FGGY: variants seen among roughly 807,000 people sequenced by gnomAD.
FGGY encodes the protein FGGY carbohydrate kinase domain containing, also known as FGGY carbohydrate kinase domain-containing protein.
Under a neutral mutation model 71.3 loss-of-function variants are expected in FGGY, and 72 were observed. The observed-to-expected ratio is 1.01, with a 90% CI of 0.84 to 1.23. FGGY has a LOEUF of 1.23. Ranked by LOEUF, FGGY falls within the 50% of genes most tolerant of loss-of-function variation. The probability of loss-of-function intolerance (pLI) is 0.00; values close to 1 mark genes in which losing one functional copy is unlikely to be tolerated. For missense variants in FGGY, 668 were observed against 682.3 expected (o/e 0.98, Z 0.23); for synonymous variants, 251 against 250.3 (o/e 1.00, Z -0.02).
chr1:59,476,465 C>G (rs1187028077), intron 6 of FGGY, among the ~76,000 whole-genome samples: 2 of 152,198 alleles, frequency 1.3e-5, no homozygotes, highest in Non-Finnish European at 2.9e-5. Context: ...GCACATCTGT[C>G]CATGTAGCTG....
chr1:59,673,341 A>G (rs978564020), intron 13 of FGGY, among the ~76,000 whole-genome samples: 1 of 152,134 alleles, frequency 6.6e-6, no homozygotes, highest in African/African-American at 2.4e-5. Context: ...GGCATCTAGG[A>G]GGAAGTGTTC....
chr1:59,724,586 AC>A (rs2097924933), intron 14 of FGGY, among the ~76,000 whole-genome samples: 1 of 151,626 alleles, frequency 6.6e-6, no homozygotes, highest in Non-Finnish European at 1.5e-5. Context: ...CTATAGTTCT[AC>A]CTTTTCTAAA....
chr1:59,499,628 C>T (rs2094160869), intron 6 of FGGY, among the ~76,000 whole-genome samples: 1 of 151,994 alleles, frequency 6.6e-6, no homozygotes, highest in Non-Finnish European at 1.5e-5. Context: ...AAGTTTTGGT[C>T]CTGGAAAAAA....
chr1:59,584,558 A>G lies in FGGY; in HGVS notation c.904-23245A>G, dbSNP rs2096251275. On this transcript the variant is annotated intron_variant, in intron 8 of 15. Coordinates refer to ENST00000303721, the MANE Select transcript of FGGY (RefSeq NM_018291.5). The stretch of plus-strand genomic sequence containing the variant: ...CCTATCTATGACAAACCCACAGCCA[A>G]TATCATACTGAATGGGCAAAAACTG... Among the ~76,000 whole-genome samples the G allele has an allele frequency of 2.0e-5, 3 of 150,140 alleles. 1 individual carries two copies. The highest frequency in any genetic ancestry group is 2.1e-4 in the South Asian group (1 of 4,722).
chr1:59,705,914 A>G (rs1341285848), intron 14 of FGGY, among the ~76,000 whole-genome samples: 1 of 152,166 alleles, frequency 6.6e-6, no homozygotes, highest in Admixed American at 6.6e-5. Context: ...TTTGTAGCCA[A>G]ATGGTGGAGG....
intron 14 of FGGY, chr1:59,755,594 A>G (rs1322493239): frequency 6.6e-6 from 1 of 152,232 alleles, no homozygotes; most frequent in Non-Finnish European, 1.5e-5. Context: ...GAGAAACAGC[A>G]TAACCTCTTT....
intron 8 of FGGY, among the ~76,000 whole-genome samples, chr1:59,578,246 G>A (rs2096119721): frequency 6.6e-6 from 1 of 152,120 alleles, no homozygotes; most frequent in African/African-American, 2.4e-5. Flanking sequence ...TGATCCCAGA[G>A]CAGGACTTGA....
rs534873372 is a variant in FGGY, at chr1:59,734,767, C to T, written c.1513-23164C>T. On this transcript the variant is annotated intron_variant, in intron 14 of 15. Coordinates refer to ENST00000303721, the MANE Select transcript of FGGY (RefSeq NM_018291.5). The stretch of plus-strand genomic sequence containing the variant: ...TCTGACTCTGACAGGGACTGCCCTC[C>T]CACAGAGAGAGGAAGGCCTCGGGAG... Among the ~76,000 whole-genome samples the T allele has an allele frequency of 1.1e-4, 17 of 152,296 alleles. No homozygotes were observed. The East Asian group carries it at 3.3e-3, about 30-fold the overall frequency.
At chr1:59,464,532 A>G (rs936993376) in intron 6 of FGGY, among the ~76,000 whole-genome samples, 2 of 152,336 alleles carry the variant, frequency 1.3e-5, no homozygotes, top group Non-Finnish European at 1.5e-5. Flanking sequence ...ACGGAAGGAG[A>G]TAGAGACACA....
intron 7 of FGGY, among the ~76,000 whole-genome samples, chr1:59,520,879 T>C (rs1351293363): frequency 6.6e-6 from 1 of 152,064 alleles, no homozygotes; most frequent in Non-Finnish European, 1.5e-5. Flanking sequence ...GCAGTATTGA[T>C]GTGTTTCTGC....
At chr1:59,739,445 C>T (rs1047338908) in intron 14 of FGGY, among the ~76,000 whole-genome samples, 7 of 152,160 alleles carry the variant, frequency 4.6e-5, no homozygotes, top group Admixed American at 2.6e-4. Context: ...GAGTTTTACT[C>T]TCCCAAGCGC....
chr1:59,562,811 T>A (rs1488790125), intron 8 of FGGY, among the ~76,000 whole-genome samples: 1 of 152,334 alleles, frequency 6.6e-6, no homozygotes, highest in Admixed American at 6.5e-5. Flanking sequence ...TGGGTATGTT[T>A]ATCTTGATTG....
intron 8 of FGGY, among the ~76,000 whole-genome samples, chr1:59,590,171 T>C (rs140527913): frequency 0.11 from 16,219 of 152,140 alleles, 1,027 homozygotes; most frequent in South Asian, 0.3. Context: ...TCTACTCAAA[T>C]AAACTAGAAA....
intron 6 of FGGY, among the ~76,000 whole-genome samples, chr1:59,502,433 A>G (rs1336920272): frequency 6.6e-6 from 1 of 152,198 alleles, no homozygotes; most frequent in Non-Finnish European, 1.5e-5. Flanking sequence ...AGGTGAGAAC[A>G]AAATAGGGCA....
At chr1:59,653,378 C>G (rs2153942075) in intron 11 of FGGY, among the ~76,000 whole-genome samples, 1 of 152,252 alleles carries the variant, frequency 6.6e-6, no homozygotes, top group East Asian at 1.9e-4. Flanking sequence ...AGTTTGATCT[C>G]AGACTGCTGT....
At chr1:59,728,712 A>C (rs891432008) in intron 14 of FGGY, among the ~76,000 whole-genome samples, 2 of 151,984 alleles carry the variant, frequency 1.3e-5, no homozygotes, top group African/African-American at 4.8e-5. Context: ...ACTCCATTCT[A>C]GTTTTATTTA....
chr1:59,673,302 T>G (rs897853163), intron 13 of FGGY, among the ~76,000 whole-genome samples: 3 of 152,112 alleles, frequency 2.0e-5, no homozygotes, highest in African/African-American at 7.2e-5. Flanking sequence ...GCGGAAACAC[T>G]TGAAGGATGG....
At chr1:59,602,998 G>A (rs963270573) in intron 8 of FGGY, among the ~76,000 whole-genome samples, 4 of 152,110 alleles carry the variant, frequency 2.6e-5, no homozygotes, top group African/African-American at 7.2e-5. Flanking sequence ...CATACAGTAT[G>A]CAACCAAAGT....
chr1:59,350,059 A>T (rs1367421069), intron 4 of FGGY, among the ~76,000 whole-genome samples: 2 of 152,208 alleles, frequency 1.3e-5, no homozygotes, highest in African/African-American at 4.8e-5. Context: ...ATGATGGGAG[A>T]CACAGGAAAG....
Sources: gnomAD v4.1 joint callset for allele counts (sites outside exome capture counted in the v4.1 genomes callset) on GRCh38, gnomAD v4.1.1 for gene constraint, MANE v1.5 for transcripts, NCBI Gene and HGNC (gene_info 2026-07-23, HGNC 2026-07-21) for gene names.